Variants in PAM observed in about 807,000 individuals in gnomAD.
The protein encoded by PAM is peptidyl-glycine alpha-amidating monooxygenase.
A neutral mutation model predicts 122.1 loss-of-function variants in PAM; 72 were observed. The observed-to-expected ratio is 0.59, with a 90% CI of 0.49 to 0.72. The LOEUF is 0.72. Among genes scored for constraint, PAM ranks in the 30% least tolerant of loss-of-function variants. PAM has a pLI of 0.00. For synonymous variants in PAM, 389 were observed against 404.4 expected (o/e 0.96, Z 0.46); for missense variants, 1,106 against 1,183.7 (o/e 0.93, Z 0.96).
chr5:102,994,861 GC>G (rs1415638053), intron 16 of PAM, among the ~76,000 whole-genome samples: 5 of 152,192 alleles, frequency 3.3e-5, no homozygotes, highest in African/African-American at 1.2e-4. Context: ...TGATAAGCAT[GC>G]CTTTTATATC....
At chr5:102,971,354 ATCTT>A (rs1433463064) in intron 14 of PAM, among the ~76,000 whole-genome samples, 1 of 152,224 alleles carries the variant, frequency 6.6e-6, no homozygotes, top group East Asian at 1.9e-4. Context: ...TATTGTCACT[ATCTT>A]TATTAAGTTA....
At chr5:102,918,578 T>A (rs2089878858) in intron 5 of PAM, among the ~76,000 whole-genome samples, 1 of 152,166 alleles carries the variant, frequency 6.6e-6, no homozygotes. Context: ...GAAATTTAAA[T>A]ATTGTATTCA....
intron 14 of PAM, among the ~76,000 whole-genome samples, chr5:102,965,090 T>C (rs988207680): frequency 2.0e-5 from 3 of 151,216 alleles, no homozygotes; most frequent in African/African-American, 7.3e-5. Context: ...TAGGCAGTGA[T>C]TCTGCATGGA....
intron 1 of PAM, among the ~76,000 whole-genome samples, chr5:102,786,043 A>T (rs1168241948): frequency 6.6e-6 from 1 of 152,240 alleles, no homozygotes; most frequent in East Asian, 1.9e-4. Context: ...TGTTAGCAGA[A>T]TTATGGTAAA....
At chr5:102,832,704 A>T (rs1026254343) in intron 1 of PAM, among the ~76,000 whole-genome samples, 27 of 150,902 alleles carry the variant, frequency 1.8e-4, no homozygotes, top group Middle Eastern at 3.4e-3. Flanking sequence ...ATTTTGTAAT[A>T]ATATATATAT....
intron 3 of PAM, among the ~76,000 whole-genome samples, chr5:102,893,253 C>T (rs910082534): frequency 6.6e-6 from 1 of 151,694 alleles, no homozygotes; most frequent in African/African-American, 2.4e-5. Context: ...ATTTCAATAA[C>T]TGTGATTATG....
chr5:102,936,795 C>T (rs1753413849), intron 7 of PAM, among the ~76,000 whole-genome samples: 7 of 152,030 alleles, frequency 4.6e-5, no homozygotes. Context: ...TCACTGGGCC[C>T]AGGATTCTGA....
At chr5:102,997,879 G>A (rs1776205218) in intron 16 of PAM, among the ~76,000 whole-genome samples, 1 of 152,132 alleles carries the variant, frequency 6.6e-6, no homozygotes, top group Non-Finnish European at 1.5e-5. Context: ...CTTATCAACT[G>A]CAACATTTCC....
intron 1 of PAM, among the ~76,000 whole-genome samples, chr5:102,782,992 T>C (rs2149891575): frequency 6.6e-6 from 1 of 152,144 alleles, no homozygotes; most frequent in South Asian, 2.1e-4. Context: ...AGATGGAAAC[T>C]TGGCAGGAAA....
chr5:102,963,717 C>A (rs2150287260), intron 14 of PAM, among the ~76,000 whole-genome samples: 1 of 151,822 alleles, frequency 6.6e-6, no homozygotes, highest in Admixed American at 6.6e-5. Flanking sequence ...GATATGTACT[C>A]ATGGACAAGC....
chr5:102,827,665 A>ATTTTTTTTTT (rs947792228), intron 1 of PAM, among the ~76,000 whole-genome samples: 3 of 35,574 alleles, frequency 8.4e-5, no homozygotes, highest in African/African-American at 1.9e-4. Flanking sequence ...GCTCACTATG[A>ATTTTTTTTTT]TTTTTTTTTT....
chr5:102,998,367 T>C (rs1244393516), intron 16 of PAM, among the ~76,000 whole-genome samples: 1 of 152,156 alleles, frequency 6.6e-6, no homozygotes, highest in African/African-American at 2.4e-5. Context: ...GAGGGGAAGA[T>C]GTGGAATTAT....
At chr5:102,979,528 T>C (rs1338071360) in intron 15 of PAM, among the ~76,000 whole-genome samples, 1 of 150,036 alleles carries the variant, frequency 6.7e-6, no homozygotes, top group African/African-American at 2.5e-5. Flanking sequence ...TGAAGTCTTC[T>C]AGTGATTTTT....
intron 1 of PAM, among the ~76,000 whole-genome samples, chr5:102,790,634 C>G (rs903833701): frequency 1.3e-5 from 2 of 152,034 alleles, no homozygotes; most frequent in Non-Finnish European, 2.9e-5. Flanking sequence ...CGATGCCTCT[C>G]TCTTCATTTC....
intron 7 of PAM, among the ~76,000 whole-genome samples, chr5:102,936,817 C>G (rs1415942372): frequency 6.6e-6 from 1 of 152,038 alleles, no homozygotes; most frequent in East Asian, 1.9e-4. Flanking sequence ...ATTTTAACAA[C>G]CTGCCTCATT....
chr5:102,780,889 T>C (rs758698737), intron 1 of PAM, among the ~76,000 whole-genome samples: 5 of 150,680 alleles, frequency 3.3e-5, no homozygotes, highest in African/African-American at 4.9e-5. Context: ...ATATTTTGGG[T>C]CAGGTAATTC....
chr5:102,841,962 T>C (rs1175420325), intron 1 of PAM, among the ~76,000 whole-genome samples: 1 of 152,092 alleles, frequency 6.6e-6, no homozygotes, highest in African/African-American at 2.4e-5. Flanking sequence ...TCTATCTGGA[T>C]AGAATTTAAT....
intron 4 of PAM, among the ~76,000 whole-genome samples, chr5:102,906,437 G>A (rs939977471): frequency 2.0e-5 from 3 of 151,602 alleles, no homozygotes; most frequent in African/African-American, 7.3e-5. Context: ...AATATGCAAA[G>A]GGGTGAATAT....
chr5:102,962,760 T>C (rs1311092474), intron 14 of PAM, among the ~76,000 whole-genome samples: 3 of 151,864 alleles, frequency 2.0e-5, no homozygotes, highest in Admixed American at 1.3e-4. Context: ...GGAGGTGTTA[T>C]ATACGCCTAC....
Sources: allele counts gnomAD v4.1 joint callset (sites outside exome capture counted in the v4.1 genomes callset), GRCh38; gene constraint gnomAD v4.1.1; transcripts MANE v1.5; gene names NCBI Gene and HGNC (gene_info 2026-07-23, HGNC 2026-07-21).